MDGA2: variants seen among roughly 807,000 people sequenced by gnomAD.
MDGA2 encodes the protein MAM domain containing glycosylphosphatidylinositol anchor 2, also known as MAM domain-containing glycosylphosphatidylinositol anchor protein 2.
A neutral mutation model predicts 117.8 loss-of-function variants in MDGA2; 40 were observed. The observed-to-expected ratio is 0.34, with a 90% CI of 0.26 to 0.44. The LOEUF is 0.44. Ranked by LOEUF, MDGA2 falls within the 20% of genes least tolerant of loss-of-function variation. The pLI, the probability that MDGA2 is intolerant of heterozygous loss-of-function variation, is 1.00. For synonymous variants in MDGA2, 452 were observed against 439.0 expected (o/e 1.03, Z -0.37); for missense variants, 1,123 against 1,250.6 (o/e 0.90, Z 1.54).
intron 5 of MDGA2, among the ~76,000 whole-genome samples, chr14:47,116,402 G>GA (rs1180716222): frequency 6.6e-6 from 1 of 151,600 alleles, no homozygotes; most frequent in African/African-American, 2.4e-5. Flanking sequence ...TACAGAAATA[G>GA]AAAAAAAATT....
intron 1 of MDGA2, among the ~76,000 whole-genome samples, chr14:47,639,999 G>C (rs1056345946): frequency 2.6e-5 from 4 of 152,170 alleles, no homozygotes; most frequent in Non-Finnish European, 4.4e-5. Context: ...TCTGCTGAAT[G>C]AATGAGAACT....
intron 1 of MDGA2, among the ~76,000 whole-genome samples, chr14:47,393,093 AAATAAT>A (rs10601470): frequency 1.4e-3 from 203 of 147,364 alleles, no homozygotes; most frequent in African/African-American, 4.5e-3. Flanking sequence ...CAGATAATTA[AAATAAT>A]AATAATAATA....
At chr14:47,137,696 G>A (rs1882524054) in intron 4 of MDGA2, among the ~76,000 whole-genome samples, 1 of 151,986 alleles carries the variant, frequency 6.6e-6, no homozygotes, top group Admixed American at 6.6e-5. Flanking sequence ...CTAATCTCAG[G>A]TGTTCCTATA....
intron 1 of MDGA2, among the ~76,000 whole-genome samples, chr14:47,623,076 G>C (rs1897079055): frequency 6.6e-6 from 1 of 152,164 alleles, no homozygotes; most frequent in Non-Finnish European, 1.5e-5. Flanking sequence ...AGAGGGCTCT[G>C]CCTTCATGAA....
At chr14:47,316,689 C>T (rs935377546) in intron 1 of MDGA2, among the ~76,000 whole-genome samples, 2 of 152,002 alleles carry the variant, frequency 1.3e-5, no homozygotes, top group African/African-American at 4.8e-5. Flanking sequence ...TTAGAAATAA[C>T]ATTTTAATAT....
chr14:47,472,690 T>A (rs1228884220), intron 1 of MDGA2, among the ~76,000 whole-genome samples: 1 of 152,020 alleles, frequency 6.6e-6, no homozygotes, highest in Admixed American at 6.6e-5. Flanking sequence ...AACTTGACTA[T>A]CATGAAGCAT....
At chr14:47,266,545 C>T (rs773914718) in intron 2 of MDGA2, among the ~76,000 whole-genome samples, 4 of 152,150 alleles carry the variant, frequency 2.6e-5, no homozygotes, top group South Asian at 2.1e-4. Flanking sequence ...AAATTAAAAT[C>T]TGATTCTGTC....
At chr14:47,381,885 A>G (rs1891637847) in intron 1 of MDGA2, among the ~76,000 whole-genome samples, 2 of 152,200 alleles carry the variant, frequency 1.3e-5, no homozygotes, top group Admixed American at 1.3e-4. Flanking sequence ...TGGAACCAAA[A>G]AAGAGCCCAC....
rs576552139 is a variant in MDGA2 at position 47,647,334 on chromosome 14, C to T, written c.280+27183G>A. On this transcript the variant is annotated intron_variant, in intron 1 of 16. Coordinates refer to ENST00000399232, the MANE Select transcript of MDGA2 (RefSeq NM_001113498.3). ...CATGGCCTATTTCAAATGAATTATT[C>T]ATTTTATTGCACTGTATGAATCTTT... is the stretch of plus-strand genomic sequence containing the variant. Among the ~76,000 whole-genome samples the T allele has an allele frequency of 3.3e-5, 5 of 152,120 alleles. No individual in the cohort carries two copies. In the South Asian group the frequency reaches 8.3e-4, roughly 25 times the overall value.
At chr14:47,006,251 C>A (rs1282497192) in intron 8 of MDGA2, among the ~76,000 whole-genome samples, 1 of 151,190 alleles carries the variant, frequency 6.6e-6, no homozygotes, top group South Asian at 2.1e-4. Context: ...AGATGCAATT[C>A]ATTTTGTCTC....
At chr14:47,502,721 T>C (rs1316284458) in intron 1 of MDGA2, among the ~76,000 whole-genome samples, 3 of 152,078 alleles carry the variant, frequency 2.0e-5, no homozygotes, top group Admixed American at 6.6e-5. Flanking sequence ...CAGTCTGTAG[T>C]TGAAGTGCAG....
intron 6 of MDGA2, among the ~76,000 whole-genome samples, chr14:47,077,292 C>A (rs916132686): frequency 6.6e-6 from 1 of 152,174 alleles, no homozygotes; most frequent in South Asian, 2.1e-4. Flanking sequence ...ACTATCAGCT[C>A]TTATTCCTTA....
chr14:47,187,850 T>C (rs1041553690), intron 3 of MDGA2, among the ~76,000 whole-genome samples: 1 of 152,054 alleles, frequency 6.6e-6, no homozygotes, highest in Non-Finnish European at 1.5e-5. Flanking sequence ...ATGTCAGTCA[T>C]CCCTAGGAAA....
intron 1 of MDGA2, among the ~76,000 whole-genome samples, chr14:47,435,416 T>C (rs1892877379): frequency 6.6e-6 from 1 of 152,048 alleles, no homozygotes; most frequent in African/African-American, 2.4e-5. Context: ...TTGTGCACAT[T>C]TTCACCTGGA....
chr14:47,383,973 A>ATAGATG (rs1179261275), intron 1 of MDGA2, among the ~76,000 whole-genome samples: 5 of 95,822 alleles, frequency 5.2e-5, no homozygotes, highest in Non-Finnish European at 8.8e-5. Context: ...TATAGAGTTA[A>ATAGATG]ATAGATAGAT....
intron 1 of MDGA2, among the ~76,000 whole-genome samples, chr14:47,435,204 T>A (rs1892873411): frequency 6.6e-6 from 1 of 152,024 alleles, no homozygotes; most frequent in African/African-American, 2.4e-5. Flanking sequence ...GCAAATACAG[T>A]TAGTTACCAT....
At chr14:46,951,179 G>T (rs186217943) in intron 9 of MDGA2, among the ~76,000 whole-genome samples, 2 of 151,984 alleles carry the variant, frequency 1.3e-5, no homozygotes, top group Admixed American at 6.6e-5. Context: ...GCAAAATTTT[G>T]CTTTGTAAAA....
Position 47,674,707 on chromosome 14 carries a change from C to A in MDGA2, c.90G>T (p.Ala30=), listed in dbSNP as rs942499157. The change falls in exon 1 of 17, where the codon GCG becomes GCT. Residue 30 remains alanine (A), a synonymous_variant. Transcript: ENST00000399232. ...TDGRRFLLRR[A]VPGHLGLARA... is the part of the protein sequence containing the mutation. The stretch of plus-strand genomic sequence containing the variant: ...GGGCCAAGCCGAGGTGCCCGGGAAC[C>A]GCTCGCCGAAGGAGGAAGCGCCGTC... 2 of 975,770 alleles carry A rather than the reference C, an allele frequency of 2.0e-6. No homozygotes were observed. Among genetic ancestry groups the A allele is most frequent in the African/African-American group, 1.6e-5 (1 of 61,910 alleles). The allele number at this position is 975,770 out of a possible 1,614,324, so 60.4% of individuals were successfully genotyped here.
At chr14:46,966,929 G>C (rs1886054580) in intron 8 of MDGA2, among the ~76,000 whole-genome samples, 1 of 140,092 alleles carries the variant, frequency 7.1e-6, no homozygotes, top group Non-Finnish European at 1.6e-5. Flanking sequence ...AAGGGGATGA[G>C]AGAGTAAGTA....
Sources: allele counts gnomAD v4.1 joint callset (sites outside exome capture counted in the v4.1 genomes callset), GRCh38; gene constraint gnomAD v4.1.1; transcripts MANE v1.5; gene names NCBI Gene and HGNC (gene_info 2026-07-23, HGNC 2026-07-21).